Variants in GLIS3 observed in about 807,000 individuals in gnomAD.
The protein encoded by GLIS3 is zinc finger protein GLIS3.
GLIS3 carries 53 observed loss-of-function variants against 78.6 expected under a neutral mutation model. The observed-to-expected ratio is 0.67, with a 90% CI of 0.54 to 0.85. The LOEUF (loss-of-function observed/expected upper bound fraction) is 0.85, where lower values mean the gene tolerates loss of function less well. GLIS3 is among the 40% of genes least tolerant of loss of function. The pLI, the probability that GLIS3 is intolerant of heterozygous loss-of-function variation, is 0.00. For missense variants in GLIS3, 1,703 were observed against 1,231.1 expected, an observed-to-expected ratio of 1.38 and a Z score of -5.74; for synonymous variants, 684 against 509.9, an observed-to-expected ratio of 1.34 and a Z score of -4.60.
intron 2 of GLIS3, among the ~76,000 whole-genome samples, chr9:4,277,187 TTGTC>T (rs1237361560): frequency 6.6e-6 from 1 of 152,204 alleles, no homozygotes; most frequent in Non-Finnish European, 1.5e-5. Flanking sequence ...ACTTTTTTCA[TTGTC>T]TGTTGTTTTC....
chr9:4,301,817 G>A (rs1817086714), upstream of GLIS3, among the ~76,000 whole-genome samples: 1 of 152,000 alleles, frequency 6.6e-6, no homozygotes, highest in Admixed American at 6.6e-5. Context: ...AATAGCTCAT[G>A]GAAAAAAACA....
At chr9:3,841,067 G>A (rs1258554570) in intron 9 of GLIS3, among the ~76,000 whole-genome samples, 1 of 152,052 alleles carries the variant, frequency 6.6e-6, no homozygotes, top group Non-Finnish European at 1.5e-5. Context: ...GAAATAGGGG[G>A]GAAAAAACCG....
At chr9:3,829,693 G>C (rs1404249077) in intron 9 of GLIS3, among the ~76,000 whole-genome samples, 4 of 152,158 alleles carry the variant, frequency 2.6e-5, no homozygotes, top group Non-Finnish European at 5.9e-5. Context: ...GAATTTCCAA[G>C]CTTGTTAGTG....
intron 4 of GLIS3, among the ~76,000 whole-genome samples, chr9:4,031,284 G>A (rs181625273): frequency 6.6e-6 from 1 of 152,232 alleles, no homozygotes; most frequent in Admixed American, 6.6e-5. Context: ...ACATGTACAT[G>A]CAATGGAATA....
At chr9:4,420,241 C>A in the GLIS3 span, among the ~76,000 whole-genome samples, 1 of 152,182 alleles carries the variant, frequency 6.6e-6, no homozygotes, top group African/African-American at 2.4e-5. Context: ...ATTTGAGAAT[C>A]AAGTCCACTG....
At chr9:4,276,085 C>T (rs1826952671) in intron 2 of GLIS3, among the ~76,000 whole-genome samples, 1 of 151,520 alleles carries the variant, frequency 6.6e-6, no homozygotes, top group Admixed American at 6.6e-5. Flanking sequence ...GGAGTTCAAG[C>T]TCAGCCTGAG....
At chr9:4,356,021 ATTAG>A in the GLIS3 span, among the ~76,000 whole-genome samples, 971 of 152,314 alleles carry the variant, frequency 6.4e-3, 12 homozygotes, top group African/African-American at 0.023. Flanking sequence ...CATCAGTAAA[ATTAG>A]TTAGTCAAAA....
the GLIS3 span, among the ~76,000 whole-genome samples, chr9:4,409,322 T>C: frequency 6.6e-6 from 1 of 152,184 alleles, no homozygotes; most frequent in Non-Finnish European, 1.5e-5. Context: ...CAGGGCTTAA[T>C]TGATGAGATG....
At chr9:4,229,132 A>C (rs546842746) in intron 2 of GLIS3, among the ~76,000 whole-genome samples, 2 of 152,304 alleles carry the variant, frequency 1.3e-5, no homozygotes, top group African/African-American at 4.8e-5. Context: ...GAAAAAGGTA[A>C]TATCCATGTA....
At chr9:4,028,816 A>AT (rs1241465008) in intron 4 of GLIS3, among the ~76,000 whole-genome samples, 4 of 152,258 alleles carry the variant, frequency 2.6e-5, no homozygotes, top group Non-Finnish European at 5.9e-5. Flanking sequence ...ATAATAAGCC[A>AT]TAAAAAGAAA....
chr9:4,183,917 T>G (rs1008456223), intron 2 of GLIS3, among the ~76,000 whole-genome samples: 5 of 152,206 alleles, frequency 3.3e-5, no homozygotes, highest in African/African-American at 9.6e-5. Flanking sequence ...CTGTCTAGCA[T>G]AGTAGGCATT....
At chr9:4,474,861 T>C in the GLIS3 span, among the ~76,000 whole-genome samples, 1 of 151,868 alleles carries the variant, frequency 6.6e-6, no homozygotes, top group Non-Finnish European at 1.5e-5. Context: ...CACACCCAGC[T>C]GATTTTTTTA....
chr9:4,268,872 A>G (rs1056643357), intron 2 of GLIS3, among the ~76,000 whole-genome samples: 20 of 152,054 alleles, frequency 1.3e-4, no homozygotes, highest in African/African-American at 4.8e-4. Flanking sequence ...CTTCCTTTCG[A>G]TCCTCCAGCA....
intron 4 of GLIS3, among the ~76,000 whole-genome samples, chr9:4,056,337 T>G (rs1255791703): frequency 6.6e-6 from 1 of 152,252 alleles, no homozygotes; most frequent in African/African-American, 2.4e-5. Context: ...TCTCTGTGGA[T>G]GCAGCTTCAA....
intron 4 of GLIS3, among the ~76,000 whole-genome samples, chr9:3,959,100 C>T (rs1229975641): frequency 6.6e-6 from 1 of 152,158 alleles, no homozygotes; most frequent in Non-Finnish European, 1.5e-5. Context: ...TGTTGAAACC[C>T]CACCCTCTAA....
At chr9:4,267,423 C>G (rs1826117349) in intron 2 of GLIS3, among the ~76,000 whole-genome samples, 1 of 152,104 alleles carries the variant, frequency 6.6e-6, no homozygotes, top group Admixed American at 6.6e-5. Flanking sequence ...TTGCCAGTTC[C>G]TCAAAAGATT....
rs535058720 is a variant in GLIS3 at position 3,856,126 on chromosome 9, A to G, written c.2356T>C (p.Ser786Pro). Residue 786 changes from serine to proline, a missense_variant, in exon 9 of 11, where the codon TCT (serine) becomes CCT (proline). Coordinates refer to ENST00000381971, the MANE Select transcript of GLIS3 (RefSeq NM_001042413.2). ...HISPRRVPAP[S>P]SILQRTQPPY... ...GGCTGTGTTCTTTGCAGTATTGAAG[A>G]AGGAGCTGGAACTCTCCGGGGGCTG... 2.5e-6 allele frequency: 4 copies of G among 1,614,154 alleles called. No individual in the cohort carries two copies. The highest frequency in any genetic ancestry group is 3.3e-5 in the Admixed American group (2 of 60,028).
At chr9:4,184,127 T>G (rs1249789964) in intron 2 of GLIS3, among the ~76,000 whole-genome samples, 3 of 152,196 alleles carry the variant, frequency 2.0e-5, no homozygotes, top group Non-Finnish European at 4.4e-5. Context: ...AAGGAAATAA[T>G]ATTTACATAT....
intron 2 of GLIS3, among the ~76,000 whole-genome samples, chr9:4,167,701 C>T (rs1815992879): frequency 6.6e-6 from 1 of 152,184 alleles, no homozygotes; most frequent in African/African-American, 2.4e-5. Context: ...TTTGGGATTG[C>T]CTGATACCAC....
Sources: allele counts gnomAD v4.1 joint callset (sites outside exome capture counted in the v4.1 genomes callset), GRCh38; gene constraint gnomAD v4.1.1; transcripts MANE v1.5; gene names NCBI Gene and HGNC (gene_info 2026-07-23, HGNC 2026-07-21).